STARD6: variants seen among roughly 807,000 people sequenced by gnomAD.
STARD6 encodes the protein StAR related lipid transfer domain containing 6, also known as stAR-related lipid transfer protein 6.
In STARD6, 21 loss-of-function variants were observed where a neutral mutation model predicts 22.3. That is an observed-to-expected ratio of 0.94 (90% CI 0.67 to 1.35). STARD6 has a LOEUF of 1.35. STARD6 is among the 40% of genes most tolerant of loss of function. STARD6 has a pLI of 0.00. For missense variants in STARD6, 269 were observed against 266.9 expected, an observed-to-expected ratio of 1.01 and a Z score of -0.05; for synonymous variants, 80 against 88.1, an observed-to-expected ratio of 0.91 and a Z score of 0.52.
intron 4 of STARD6, among the ~76,000 whole-genome samples, chr18:54,343,460 G>T: frequency 7.8e-6 from 1 of 127,762 alleles, no homozygotes; most frequent in African/African-American, 3.1e-5. Context: ...CGGTCTGGGA[G>T]GTGAGGGGCG....
At chr18:54,334,187 T>C (rs1787840) in intron 5 of STARD6, among the ~76,000 whole-genome samples, 11,015 of 152,200 alleles carry the variant, frequency 0.072, 488 homozygotes, top group African/African-American at 0.11. Context: ...TATCTTTGGG[T>C]TCCCTGACTT....
At chr18:54,342,357 G>A (rs1267649312) in intron 4 of STARD6, among the ~76,000 whole-genome samples, 1 of 152,108 alleles carries the variant, frequency 6.6e-6, no homozygotes, top group East Asian at 1.9e-4. Context: ...AAAAGAGGAG[G>A]AAACATTTCC....
At chr18:54,335,658 G>A (rs764422303) in intron 5 of STARD6, among the ~76,000 whole-genome samples, 4 of 152,168 alleles carry the variant, frequency 2.6e-5, no homozygotes, top group African/African-American at 7.2e-5. Context: ...TGGAGGATCA[G>A]CCTGGTGATT....
intron 5 of STARD6, among the ~76,000 whole-genome samples, chr18:54,333,317 C>T (rs958357928): frequency 3.3e-5 from 5 of 152,124 alleles, no homozygotes; most frequent in Admixed American, 6.5e-5. Flanking sequence ...GGCGTGGTGG[C>T]GGGCACCTGT....
intron 4 of STARD6, among the ~76,000 whole-genome samples, chr18:54,350,267 C>A (rs558028601): frequency 2.6e-5 from 4 of 152,138 alleles, no homozygotes; most frequent in East Asian, 3.9e-4. Flanking sequence ...GTTTGTTGGC[C>A]ATTTGTATAT....
chr18:54,328,025 C>T (rs2088838032), intron 7 of STARD6, among the ~76,000 whole-genome samples: 1 of 152,106 alleles, frequency 6.6e-6, no homozygotes, highest in Admixed American at 6.6e-5. Flanking sequence ...CATCCCTTTA[C>T]CAGTGTATTC....
At chr18:54,347,858 T>G (rs1042235333) in intron 4 of STARD6, among the ~76,000 whole-genome samples, 7 of 152,136 alleles carry the variant, frequency 4.6e-5, no homozygotes, top group Non-Finnish European at 1.0e-4. Context: ...GTTGGTTCTG[T>G]ATCCCCACCC....
chr18:54,345,540 C>CT (rs1354512851), intron 4 of STARD6, among the ~76,000 whole-genome samples: 6 of 151,858 alleles, frequency 4.0e-5, no homozygotes, highest in African/African-American at 9.7e-5. Flanking sequence ...TCCCAGCTGA[C>CT]TTTTTTTTGA....
chr18:54,352,543 C>A (rs1411911478), intron 4 of STARD6, among the ~76,000 whole-genome samples: 1 of 152,104 alleles, frequency 6.6e-6, no homozygotes, highest in African/African-American at 2.4e-5. Flanking sequence ...AGGCACCTAG[C>A]AAAGCTGTTC....
chr18:54,342,779 C>A (rs2088986867), intron 4 of STARD6, among the ~76,000 whole-genome samples: 1 of 48,426 alleles, frequency 2.1e-5, no homozygotes, highest in African/African-American at 1.4e-4. Flanking sequence ...GGTGCCCAGG[C>A]TGGAGTGCAG....
chr18:54,325,243 T>C (rs1013402818), intron 7 of STARD6, among the ~76,000 whole-genome samples: 1 of 152,082 alleles, frequency 6.6e-6, no homozygotes, highest in Admixed American at 6.6e-5. Context: ...TCTTTCTCTC[T>C]CTCTATATAT....
At chr18:54,356,955 G>A (rs781527656) in intron 1 of STARD6, 7 of 152,156 alleles carry the variant, frequency 4.6e-5, no homozygotes, top group African/African-American at 1.4e-4. Context: ...TATAGCTTCC[G>A]GACTTTTTCA....
intron 4 of STARD6, among the ~76,000 whole-genome samples, chr18:54,345,227 A>G (rs896133085): frequency 2.0e-5 from 3 of 152,218 alleles, no homozygotes; most frequent in African/African-American, 7.2e-5. Context: ...TTGTATTTCT[A>G]TATGCTAGGA....
chr18:54,329,471 C>G (rs1438627715), intron 6 of STARD6, 31 bp from the exon 7 acceptor site: 1 of 1,525,432 alleles, frequency 6.6e-7, no homozygotes, highest in Admixed American at 2.0e-5. Context: ...AAAATGAAAC[C>G]TATTCACAAA....
intron 5 of STARD6, among the ~76,000 whole-genome samples, chr18:54,332,234 A>C (rs1036726000): frequency 4.6e-5 from 7 of 152,222 alleles, no homozygotes; most frequent in African/African-American, 7.2e-5. Context: ...ATTCTGAAAA[A>C]TACATTGATT....
At chr18:54,354,707 G>C in intron 2 of STARD6, 130 bp from the exon 3 acceptor site, 1 of 625,476 alleles carries the variant, frequency 1.6e-6, no homozygotes, top group Non-Finnish European at 2.8e-6. Context: ...CTTGATGAAT[G>C]CATGTATGCA....
intron 2 of STARD6, among the ~76,000 whole-genome samples, chr18:54,355,482 A>T (rs1473157332): frequency 6.6e-6 from 1 of 152,084 alleles, no homozygotes; most frequent in Non-Finnish European, 1.5e-5. Context: ...AGCCCTTATG[A>T]ATGGGATTAG....
intron 1 of STARD6, 51 bp downstream of exon 1, chr18:54,357,741 G>T (rs1422763318): frequency 6.5e-6 from 1 of 152,972 alleles, no homozygotes; most frequent in Non-Finnish European, 1.5e-5. Flanking sequence ...CGACTTGGAT[G>T]CAGCCCACAT....
intron 7 of STARD6, among the ~76,000 whole-genome samples, chr18:54,325,553 G>A (rs1296819594): frequency 6.6e-6 from 1 of 150,848 alleles, no homozygotes; most frequent in Admixed American, 6.6e-5. Flanking sequence ...ATCCATTTAT[G>A]CTTTTTTTTT....
Sources: gnomAD v4.1 joint callset for allele counts (sites outside exome capture counted in the v4.1 genomes callset) on GRCh38, gnomAD v4.1.1 for gene constraint, MANE v1.5 for transcripts, NCBI Gene and HGNC (gene_info 2026-07-23, HGNC 2026-07-21) for gene names.